FSTL5: variants seen among roughly 807,000 people sequenced by gnomAD.
The protein encoded by FSTL5 is follistatin like 5, also known as follistatin-related protein 5.
Under a neutral mutation model 89.1 loss-of-function variants are expected in FSTL5, and 62 were observed. The observed-to-expected ratio is 0.70, with a 90% CI of 0.57 to 0.86. The LOEUF (loss-of-function observed/expected upper bound fraction) is 0.86, where lower values mean the gene tolerates loss of function less well. Ranked by LOEUF, FSTL5 falls within the 40% of genes least tolerant of loss-of-function variation. The pLI is 0.00. For synonymous variants in FSTL5, 383 were observed against 346.2 expected, an observed-to-expected ratio of 1.11 and a Z score of -1.18; for missense variants, 1,057 against 1,001.6, an observed-to-expected ratio of 1.06 and a Z score of -0.75.
chr4:161,581,889 T>C (rs978353026), intron 8 of FSTL5, among the ~76,000 whole-genome samples: 3 of 152,218 alleles, frequency 2.0e-5, no homozygotes, highest in African/African-American at 7.2e-5. Flanking sequence ...TAAACAATGA[T>C]GACTTTTAAA....
intron 4 of FSTL5, among the ~76,000 whole-genome samples, chr4:161,802,352 G>T (rs1729824932): frequency 6.6e-6 from 1 of 151,668 alleles, no homozygotes; most frequent in Admixed American, 6.6e-5. Flanking sequence ...GTGTGTGCCT[G>T]TATATTTGTC....
intron 7 of FSTL5, among the ~76,000 whole-genome samples, chr4:161,614,844 TAAC>T (rs983981697): frequency 1.4e-4 from 21 of 152,170 alleles, no homozygotes; most frequent in Admixed American, 3.9e-4. Context: ...AAAAAATAAT[TAAC>T]AACTTTTTGA....
intron 4 of FSTL5, among the ~76,000 whole-genome samples, chr4:161,823,485 G>A (rs1229802803): frequency 6.6e-6 from 1 of 152,216 alleles, no homozygotes; most frequent in Non-Finnish European, 1.5e-5. Context: ...GCCAGGCTTA[G>A]CCGCAACTTT....
At chr4:161,393,922 A>G (rs1353526261) in intron 15 of FSTL5, among the ~76,000 whole-genome samples, 3 of 152,124 alleles carry the variant, frequency 2.0e-5, no homozygotes, top group African/African-American at 4.8e-5. Flanking sequence ...ACAAGAAACC[A>G]TATTAGCGAG....
At chr4:161,423,269 C>T (rs1003502285) in intron 15 of FSTL5, among the ~76,000 whole-genome samples, 2 of 151,994 alleles carry the variant, frequency 1.3e-5, no homozygotes, top group African/African-American at 4.8e-5. Flanking sequence ...ATATTATGAT[C>T]CTTCTTTAAA....
At chr4:161,780,190 T>C (rs974765488) in intron 4 of FSTL5, among the ~76,000 whole-genome samples, 2 of 149,676 alleles carry the variant, frequency 1.3e-5, no homozygotes, top group African/African-American at 2.4e-5. Context: ...TATAAATAAA[T>C]AATTGTATAA....
At chr4:162,156,141 C>T (rs1313962402) in intron 1 of FSTL5, among the ~76,000 whole-genome samples, 3 of 152,168 alleles carry the variant, frequency 2.0e-5, no homozygotes, top group Non-Finnish European at 2.9e-5. Flanking sequence ...TGAAAAAATG[C>T]TCCACGTCAC....
intron 4 of FSTL5, among the ~76,000 whole-genome samples, chr4:161,802,153 T>G (rs1439575255): frequency 1.3e-5 from 2 of 151,732 alleles, no homozygotes; most frequent in Non-Finnish European, 3.0e-5. Context: ...TTCCTTCACA[T>G]GTACCTGAAG....
At chr4:161,972,023 G>T (rs1209752972) in intron 3 of FSTL5, among the ~76,000 whole-genome samples, 1 of 152,122 alleles carries the variant, frequency 6.6e-6, no homozygotes, top group Admixed American at 6.6e-5. Context: ...CTGCTGGTAT[G>T]CACTCACTTG....
chr4:161,403,517 C>T (rs1731255993), intron 15 of FSTL5, among the ~76,000 whole-genome samples: 1 of 152,050 alleles, frequency 6.6e-6, no homozygotes, highest in South Asian at 2.1e-4. Context: ...TGCTTTTATG[C>T]TATTGTTAAT....
intron 3 of FSTL5, among the ~76,000 whole-genome samples, chr4:162,026,411 G>T (rs113292384): frequency 6.9e-5 from 10 of 145,422 alleles, no homozygotes; most frequent in African/African-American, 2.3e-4. Flanking sequence ...GGGTTCAAGC[G>T]ATTCTACTGC....
At chr4:161,394,298 C>T (rs1409049140) in intron 15 of FSTL5, among the ~76,000 whole-genome samples, 2 of 152,068 alleles carry the variant, frequency 1.3e-5, no homozygotes, top group Non-Finnish European at 2.9e-5. Context: ...TGTTTTGAGA[C>T]AGAGTCTCAC....
intron 6 of FSTL5, among the ~76,000 whole-genome samples, chr4:161,732,377 T>G (rs1201546296): frequency 3.3e-5 from 5 of 152,064 alleles, no homozygotes; most frequent in Non-Finnish European, 5.9e-5. Context: ...GAAGAATTCT[T>G]TATTCTTTTT....
intron 6 of FSTL5, among the ~76,000 whole-genome samples, chr4:161,712,004 C>A (rs191573979): frequency 4.6e-5 from 7 of 152,222 alleles, no homozygotes; most frequent in Admixed American, 3.9e-4. Flanking sequence ...TATGAACAAC[C>A]AACAGCTAGC....
At chr4:161,622,904 A>G (rs1010341558) in intron 7 of FSTL5, among the ~76,000 whole-genome samples, 1 of 152,066 alleles carries the variant, frequency 6.6e-6, no homozygotes, top group Admixed American at 6.5e-5. Flanking sequence ...TGTGAAGGAC[A>G]TCAGAACAAT....
chr4:161,616,444 G>A (rs2126640835), intron 7 of FSTL5, among the ~76,000 whole-genome samples: 1 of 152,212 alleles, frequency 6.6e-6, no homozygotes, highest in East Asian at 1.9e-4. Flanking sequence ...CCAGACTCCA[G>A]GTTCTTCAGC....
intron 10 of FSTL5, among the ~76,000 whole-genome samples, chr4:161,513,353 T>A (rs931861578): frequency 7.2e-6 from 1 of 138,642 alleles, no homozygotes; most frequent in South Asian, 2.4e-4. Context: ...GGCCTTTTGA[T>A]GGGTGGAGGG....
At chr4:162,022,300 CATAAT>C (rs1302931427) in intron 3 of FSTL5, among the ~76,000 whole-genome samples, 5 of 151,716 alleles carry the variant, frequency 3.3e-5, no homozygotes, top group African/African-American at 9.7e-5. Context: ...ATATTACTTA[CATAAT>C]ATATTAAACA....
chr4:161,861,938 TA>T (rs1731930470), intron 4 of FSTL5, among the ~76,000 whole-genome samples: 1 of 152,228 alleles, frequency 6.6e-6, no homozygotes, highest in Non-Finnish European at 1.5e-5. Context: ...GTAACATCAT[TA>T]CTCTTTCCTC....
Sources: allele counts gnomAD v4.1 joint callset (sites outside exome capture counted in the v4.1 genomes callset), GRCh38; gene constraint gnomAD v4.1.1; transcripts MANE v1.5; gene names NCBI Gene and HGNC (gene_info 2026-07-23, HGNC 2026-07-21).